The following DZANK1 variants were observed in gnomAD, a reference collection of about 807,000 sequenced individuals.
DZANK1 encodes double zinc ribbon and ankyrin repeat-containing protein 1.
A neutral mutation model predicts 94.5 loss-of-function variants in DZANK1; 91 were observed. That is an observed-to-expected ratio of 0.96 (90% CI 0.81 to 1.15). The LOEUF (loss-of-function observed/expected upper bound fraction) is 1.15. DZANK1 is among the 50% of genes most tolerant of loss of function. DZANK1 has a pLI of 0.00. For missense variants in DZANK1, 903 were observed against 916.4 expected (o/e 0.99, Z 0.19); for synonymous variants, 312 against 325.3 (o/e 0.96, Z 0.44).
chr20:18,440,769 G>A (rs934575364), intron 8 of DZANK1, among the ~76,000 whole-genome samples: 10 of 152,168 alleles, frequency 6.6e-5, no homozygotes, highest in African/African-American at 2.4e-4. Context: ...CATTGGGCAG[G>A]AGGCACAGAG....
At chr20:18,448,091 CA>C (rs1352303045) in intron 7 of DZANK1, among the ~76,000 whole-genome samples, 1 of 152,110 alleles carries the variant, frequency 6.6e-6, no homozygotes, top group African/African-American at 2.4e-5. Flanking sequence ...TACAAATGTT[CA>C]CAGCAACTTT....
chr20:18,466,525 G>C (rs561605568), intron 1 of DZANK1, among the ~76,000 whole-genome samples: 1 of 152,332 alleles, frequency 6.6e-6, no homozygotes, highest in East Asian at 1.9e-4. Flanking sequence ...GCTCCTACGG[G>C]AGTGTGGCTG....
chr20:18,416,243 C>T (rs979341205), intron 10 of DZANK1, among the ~76,000 whole-genome samples: 2 of 152,194 alleles, frequency 1.3e-5, no homozygotes. Flanking sequence ...TGACTCCATA[C>T]AGCCCCTTCA....
chr20:18,441,059 G>A lies in DZANK1; in HGVS notation c.747+2288C>T, dbSNP rs1358892348. ...ATGACTTAAAGGTCCTGAGCTTGTC[G>A]TTTTCTTTCTGTGAATGCTCCCATG... is the stretch of plus-strand genomic sequence containing the variant. On this transcript the variant is annotated intron_variant, in intron 8 of 20. Coordinates refer to ENST00000262547, the Ensembl canonical transcript of DZANK1. The surrounding 1 kb of genome is among the most constrained non-coding windows in gnomAD (Gnocchi z 4.1). 6.6e-6 allele frequency among the ~76,000 whole-genome samples: 1 copy of A among 152,088 alleles called. No homozygotes were observed. The highest frequency in any genetic ancestry group is 6.6e-5 in the Admixed American group (1 of 15,262).
intron 4 of DZANK1, among the ~76,000 whole-genome samples, chr20:18,455,033 A>G (rs891752692): frequency 1.3e-5 from 2 of 152,226 alleles, no homozygotes; most frequent in Non-Finnish European, 2.9e-5. Flanking sequence ...ATGGACCCCA[A>G]TGCTCAGCAG....
chr20:18,443,099 C>T (rs1186877500), intron 8 of DZANK1, among the ~76,000 whole-genome samples: 6 of 152,144 alleles, frequency 3.9e-5, no homozygotes. Flanking sequence ...TTTATCCATG[C>T]ATGCCTCATT....
chr20:18,453,214 C>T (rs6045411), intron 5 of DZANK1, among the ~76,000 whole-genome samples: 130,106 of 152,160 alleles, frequency 0.86, 55,827 homozygotes, highest in South Asian at 0.96. Context: ...CTAGGCCACT[C>T]TGACATAGAG....
At chr20:18,413,985 G>A (rs1259596616) in intron 12 of DZANK1, among the ~76,000 whole-genome samples, 1 of 152,166 alleles carries the variant, frequency 6.6e-6, no homozygotes, top group Non-Finnish European at 1.5e-5. Flanking sequence ...ATAACCTGGT[G>A]AGATTTGTCC....
intron 15 of DZANK1, 29 bp from the exon 16 acceptor site, chr20:18,394,379 G>A (rs2056208077): frequency 6.3e-7 from 1 of 1,596,080 alleles, no homozygotes; most frequent in Admixed American, 1.7e-5. Context: ...TAAACACCAT[G>A]AATGATGAGG....
At chr20:18,408,556 C>T (rs2057073574) in intron 13 of DZANK1, among the ~76,000 whole-genome samples, 1 of 152,154 alleles carries the variant, frequency 6.6e-6, no homozygotes, top group Non-Finnish European at 1.5e-5. Flanking sequence ...CCAATACCTT[C>T]AGTAGCAGGC....
At chr20:18,406,469 T>G (rs545700800) in intron 13 of DZANK1, among the ~76,000 whole-genome samples, 6 of 152,262 alleles carry the variant, frequency 3.9e-5, no homozygotes, top group Admixed American at 6.5e-5. Context: ...CTCACTGTCT[T>G]GAAGGGAAGG....
chr20:18,410,288 G>C (rs2057188049), intron 13 of DZANK1, among the ~76,000 whole-genome samples: 2 of 152,002 alleles, frequency 1.3e-5, no homozygotes, highest in South Asian at 4.1e-4. Flanking sequence ...CACAAAAGTT[G>C]GGAAGAGGGA....
chr20:18,401,227 G>A (rs11906392), intron 13 of DZANK1, among the ~76,000 whole-genome samples: 17,125 of 152,058 alleles, frequency 0.11, 1,059 homozygotes, highest in African/African-American at 0.16. Flanking sequence ...ATGAGCCACC[G>A]AGCCTGGCCT....
chr20:18,433,769 C>T lies in DZANK1; in HGVS notation c.748-4G>A. The stretch of plus-strand genomic sequence containing the variant: ...TGCATTCTGCACACAAGCCCATCTG[C>T]ACAAGGAAAAGGTCTGGTTTATCTT... On this transcript the variant is annotated splice_region_variant and splice_polypyrimidine_tract_variant and intron_variant, in intron 8 of 20. Coordinates refer to ENST00000262547, the Ensembl canonical transcript of DZANK1. The T allele has an allele frequency of 6.2e-7, 1 of 1,613,030 alleles. No individual in the cohort carries two copies.
rs181514788 is a variant in DZANK1 at position 18,449,835 on chromosome 20, T to C, written c.544-766A>G. Among the ~76,000 whole-genome samples, 405 of 151,146 alleles carry C rather than the reference T, an allele frequency of 2.7e-3. 1 individual carries two copies. Among genetic ancestry groups the C allele is most frequent in the Non-Finnish European group, 4.6e-3 (311 of 67,896 alleles). ...GGCTCATGCCTACAATCCCAGCACC[T>C]TGGGAGGCAGAGGTGAGCAGATCAC... is the stretch of plus-strand genomic sequence containing the variant. On this transcript the variant is annotated intron_variant, in intron 6 of 20. Coordinates refer to ENST00000262547, the Ensembl canonical transcript of DZANK1.
chr20:18,416,797 G>T (rs1029049259), intron 10 of DZANK1, among the ~76,000 whole-genome samples: 1 of 151,932 alleles, frequency 6.6e-6, no homozygotes, highest in Non-Finnish European at 1.5e-5. Context: ...AACTCCTTCA[G>T]GTAAATCAAA....
At chr20:18,412,474 A>G (rs1285451268) in intron 13 of DZANK1, among the ~76,000 whole-genome samples, 172 bp downstream of exon 13, 1 of 152,254 alleles carries the variant, frequency 6.6e-6, no homozygotes, top group African/African-American at 2.4e-5. Flanking sequence ...GAAGGAGCTT[A>G]CAGGAAGAGC....
intron 2 of DZANK1, among the ~76,000 whole-genome samples, chr20:18,464,621 C>T (rs547721089): frequency 1.4e-4 from 21 of 150,644 alleles, no homozygotes; most frequent in African/African-American, 4.9e-4. Flanking sequence ...ATTTATTATA[C>T]CAGCTAAATA....
chr20:18,434,649 A>C (rs559886191), intron 8 of DZANK1, among the ~76,000 whole-genome samples: 2 of 152,264 alleles, frequency 1.3e-5, no homozygotes, highest in South Asian at 4.1e-4. Context: ...AACAAACAGA[A>C]GTTCCTAAAA....
Sources: allele counts gnomAD v4.1 joint callset (sites outside exome capture counted in the v4.1 genomes callset), GRCh38; gene constraint gnomAD v4.1.1; non-coding constraint Gnocchi (gnomAD v3.1); transcripts MANE v1.5; gene names NCBI Gene and HGNC (gene_info 2026-07-23, HGNC 2026-07-21).